The following PCDH15 variants were observed in gnomAD, a reference collection of about 807,000 sequenced individuals.
The protein encoded by PCDH15 is protocadherin related 15.
Under a neutral mutation model 178.5 loss-of-function variants are expected in PCDH15, and 129 were observed. The ratio of observed to expected loss-of-function variants is 0.72; its 90% CI spans 0.63 to 0.84. PCDH15 has a LOEUF of 0.84. PCDH15 is among the 40% of genes least tolerant of loss of function. The pLI is 0.00. For missense variants in PCDH15, 2,230 were observed against 2,099.9 expected, an observed-to-expected ratio of 1.06 and a Z score of -1.21; for synonymous variants, 800 against 732.0, an observed-to-expected ratio of 1.09 and a Z score of -1.50.
chr10:55,470,953 T>C (rs1465934705), intron 2 of PCDH15, among the ~76,000 whole-genome samples: 11 of 152,134 alleles, frequency 7.2e-5, no homozygotes, highest in African/African-American at 2.4e-4. Flanking sequence ...CTTTGTAATA[T>C]GTATTTAAGT....
chr10:55,425,512 T>C (rs1340190193), intron 2 of PCDH15, among the ~76,000 whole-genome samples: 1 of 152,124 alleles, frequency 6.6e-6, no homozygotes, highest in African/African-American at 2.4e-5. Flanking sequence ...ATTGTATTCA[T>C]ACCTTAGAGA....
chr10:55,319,890 G>C (rs1423294965), upstream of PCDH15, among the ~76,000 whole-genome samples: 1 of 152,080 alleles, frequency 6.6e-6, no homozygotes, highest in Non-Finnish European at 1.5e-5. Context: ...GGCTTGCCTT[G>C]CTCCCACAGT....
At chr10:55,480,789 T>G (rs567142187) in intron 2 of PCDH15, among the ~76,000 whole-genome samples, 1 of 151,780 alleles carries the variant, frequency 6.6e-6, no homozygotes, top group Non-Finnish European at 1.5e-5. Flanking sequence ...GGCCTGAAGT[T>G]TTCTTTTTTG....
chr10:53,891,856 C>T (rs925350205), intron 26 of PCDH15, among the ~76,000 whole-genome samples: 1 of 151,560 alleles, frequency 6.6e-6, no homozygotes, highest in East Asian at 1.9e-4. Context: ...GTAATCCCAG[C>T]TACTTGGGAT....
chr10:55,120,371 C>A (rs1837734827), intron 2 of PCDH15, among the ~76,000 whole-genome samples: 1 of 152,040 alleles, frequency 6.6e-6, no homozygotes, highest in South Asian at 2.1e-4. Context: ...ACCATGTAGG[C>A]AGTTGCATAT....
chr10:54,135,364 CA>C (rs143426413), intron 14 of PCDH15, among the ~76,000 whole-genome samples: 4,139 of 152,176 alleles, frequency 0.027, 187 homozygotes, highest in African/African-American at 0.094. Flanking sequence ...TACAGTTAAT[CA>C]GATTATATTT....
intron 2 of PCDH15, among the ~76,000 whole-genome samples, chr10:54,602,208 GTGTA>G (rs1316910266): frequency 2.6e-5 from 4 of 151,746 alleles, no homozygotes; most frequent in African/African-American, 9.7e-5. Context: ...ATAATTTTCA[GTGTA>G]TGTATTTTCC....
intron 21 of PCDH15, among the ~76,000 whole-genome samples, chr10:53,965,205 C>T (rs1452100726): frequency 1.3e-5 from 2 of 151,868 alleles, no homozygotes; most frequent in African/African-American, 2.4e-5. Flanking sequence ...CTACACGAGC[C>T]CGCCACCATG....
intron 2 of PCDH15, among the ~76,000 whole-genome samples, chr10:55,589,081 C>CAA (rs35940637): frequency 0.4 from 31,947 of 80,684 alleles, 4,856 homozygotes; most frequent in East Asian, 0.5. Flanking sequence ...AATTCCGTGT[C>CAA]AAAAAAAAAA....
chr10:54,407,950 G>C (rs372461607), intron 3 of PCDH15, among the ~76,000 whole-genome samples: 1 of 151,240 alleles, frequency 6.6e-6, no homozygotes. Flanking sequence ...AGCTACTAGG[G>C]TGGCTGAGGC....
intron 1 of PCDH15, among the ~76,000 whole-genome samples, chr10:54,718,936 C>A (rs1480654580): frequency 6.6e-6 from 1 of 151,710 alleles, no homozygotes; most frequent in East Asian, 1.9e-4. Context: ...ACGTCCTGAT[C>A]CACCCGCCTC....
At chr10:55,101,335 GCTGAGATTGTGC>G (rs1842571394) in intron 2 of PCDH15, among the ~76,000 whole-genome samples, 1 of 151,792 alleles carries the variant, frequency 6.6e-6, no homozygotes, top group South Asian at 2.1e-4. Context: ...TGATCAGTGA[GCTGAGATTGTGC>G]CACTGCACTC....
chr10:53,838,332 T>G (rs896007084), intron 29 of PCDH15, among the ~76,000 whole-genome samples: 72 of 152,216 alleles, frequency 4.7e-4, no homozygotes, highest in Middle Eastern at 3.4e-3. Flanking sequence ...CTGGCTATGA[T>G]AGTTATTTTA....
upstream of PCDH15, among the ~76,000 whole-genome samples, chr10:54,802,196 TTAACTC>T (rs763086879): frequency 2.6e-5 from 4 of 152,144 alleles, no homozygotes; most frequent in Admixed American, 1.3e-4. Context: ...GGATGATACA[TTAACTC>T]TAAGAAGAAA....
At chr10:55,089,414 A>C (rs375413189) in intron 2 of PCDH15, among the ~76,000 whole-genome samples, 8 of 152,058 alleles carry the variant, frequency 5.3e-5, no homozygotes, top group Admixed American at 5.2e-4. Context: ...TCTCTACTTG[A>C]TATCTGTCTA....
chr10:54,683,855 T>C (rs1481700013), intron 1 of PCDH15, among the ~76,000 whole-genome samples: 1 of 152,134 alleles, frequency 6.6e-6, no homozygotes, highest in Non-Finnish European at 1.5e-5. Flanking sequence ...TCTGAACTTT[T>C]CAAACCCTCA....
intron 2 of PCDH15, among the ~76,000 whole-genome samples, chr10:55,351,030 C>A (rs1844917107): frequency 1.0e-5 from 1 of 99,848 alleles, no homozygotes; most frequent in Non-Finnish European, 2.0e-5. Flanking sequence ...CTGCTTCCTC[C>A]CCCTCTCCCT....
intron 12 of PCDH15, among the ~76,000 whole-genome samples, chr10:54,183,909 T>C (rs2048242679): frequency 6.6e-6 from 1 of 152,164 alleles, no homozygotes; most frequent in Non-Finnish European, 1.5e-5. Flanking sequence ...AACTACAATT[T>C]AATCCTTAAA....
intron 8 of PCDH15, among the ~76,000 whole-genome samples, chr10:54,238,842 T>C (rs1256040646): frequency 1.3e-5 from 2 of 152,072 alleles, no homozygotes; most frequent in African/African-American, 2.4e-5. Context: ...CTCTTTCTAG[T>C]AATTTCACTG....
Sources: allele counts gnomAD v4.1 joint callset (sites outside exome capture counted in the v4.1 genomes callset), GRCh38; gene constraint gnomAD v4.1.1; transcripts MANE v1.5; gene names NCBI Gene and HGNC (gene_info 2026-07-23, HGNC 2026-07-21).